The following RABEP1 variants were observed in gnomAD, a reference collection of about 807,000 sequenced individuals.
RABEP1 encodes the protein rab GTPase-binding effector protein 1.
In RABEP1, 51 loss-of-function variants were observed where a neutral mutation model predicts 123.4. The observed-to-expected ratio is 0.41, with a 90% CI of 0.33 to 0.52. The LOEUF is 0.52. Ranked by LOEUF, RABEP1 falls within the 20% of genes least tolerant of loss-of-function variation. The pLI is 0.16. For synonymous variants in RABEP1, 347 were observed against 355.2 expected, an observed-to-expected ratio of 0.98 and a Z score of 0.26; for missense variants, 888 against 996.3, an observed-to-expected ratio of 0.89 and a Z score of 1.46.
chr17:5,297,936 T>G (rs908260077), intron 1 of RABEP1, among the ~76,000 whole-genome samples: 1 of 152,240 alleles, frequency 6.6e-6, no homozygotes, highest in Non-Finnish European at 1.5e-5. Flanking sequence ...AATCAAGAGT[T>G]TCCTCCCAAG....
chr17:5,282,544 G>GCGGCGGGCGCGGCCTGCC (rs1418479614), intron 1 of RABEP1, 24 bp downstream of exon 1: 32 of 1,177,904 alleles, frequency 2.7e-5, no homozygotes, highest in Admixed American at 1.3e-4. Flanking sequence ...CATGGCAGGC[G>GCGGCGGGCGCGGCCTGCC]CGGCGGGCGC....
chr17:5,292,921 A>G (rs529453861), intron 1 of RABEP1, among the ~76,000 whole-genome samples: 12 of 152,260 alleles, frequency 7.9e-5, no homozygotes, highest in Middle Eastern at 3.4e-3. Flanking sequence ...GGCTCAAGCC[A>G]TCTGCCTGCC....
chr17:5,352,183 A>G (rs1039239939), intron 7 of RABEP1, among the ~76,000 whole-genome samples: 3 of 151,374 alleles, frequency 2.0e-5, no homozygotes, highest in South Asian at 4.2e-4. Context: ...CAAAGCCAAC[A>G]TAAGGATTTT....
In RABEP1 at chr17:5,386,233, A is replaced by G. The variant is rs753470004; in HGVS notation, c.*3010A>G. The G allele has an allele frequency of 3.2e-5, 51 of 1,613,274 alleles. 1 individual carries two copies. The South Asian group carries it at 5.3e-4, about 17-fold the overall frequency. ...AGAAGTTTACATGATTGCGGATATC[A>G]TTGATTTGCTTCACCATTTCCCTTA... is the stretch of plus-strand genomic sequence containing the variant. On this transcript the variant is annotated 3_prime_UTR_variant, in exon 18 of 18. Transcript: ENST00000537505.
Position 5,354,419 on chromosome 17 carries a change from G to A in RABEP1, c.1024G>A (p.Glu342Lys). The A allele has an allele frequency of 6.2e-7, 1 of 1,613,072 alleles. No homozygotes were observed. Among genetic ancestry groups the A allele is most frequent in the Non-Finnish European group, 8.5e-7 (1 of 1,179,474 alleles). The change falls in exon 8 of 18, where the codon GAA (glutamate) becomes AAA (lysine). Residue 342 changes from glutamate to lysine, a missense_variant. Transcript: ENST00000537505. ...RKDHKKADVE[E>K]EIKIPVVCAL... ...GGATCACAAAAAAGCAGATGTTGAG[G>A]AAGAAATAAAAATACCAGTAGTGTG...
intron 3 of RABEP1, among the ~76,000 whole-genome samples, chr17:5,333,811 G>A (rs72836387): frequency 0.069 from 10,561 of 152,148 alleles, 511 homozygotes; most frequent in East Asian, 0.17. Context: ...CTTTGCCTCA[G>A]CTGAAAAATA....
At chr17:5,380,553 TG>T in intron 16 of RABEP1, 91 bp downstream of exon 16, 1 of 1,103,842 alleles carries the variant, frequency 9.1e-7, no homozygotes, top group Non-Finnish European at 1.3e-6. Context: ...ATTGGTGCTT[TG>T]AAGTGTCACC....
Position 5,386,146 on chromosome 17 carries a change from C to T in RABEP1, c.*2923C>T, listed in dbSNP as rs1425232510. On this transcript the variant is annotated 3_prime_UTR_variant, in exon 18 of 18. Transcript: ENST00000537505. ...AAATTAGATAATTCTACCTGTTTTA[C>T]AATATGGGTTTAAGCCTTCAATGGT... The T allele has an allele frequency of 7.9e-7, 1 of 1,265,888 alleles. No homozygotes were observed. The highest frequency in any genetic ancestry group is 1.1e-6 in the Non-Finnish European group (1 of 894,738). The allele number at this position is 1,265,888 out of a possible 1,614,324, so 78.4% of individuals were successfully genotyped here.
At chr17:5,287,773 G>T (rs1245361676) in intron 1 of RABEP1, among the ~76,000 whole-genome samples, 1 of 151,958 alleles carries the variant, frequency 6.6e-6, no homozygotes, top group Non-Finnish European at 1.5e-5. Context: ...TTAGCCGGGT[G>T]TGATGGCCTG....
chr17:5,325,757 C>A (rs1230862648), intron 2 of RABEP1, among the ~76,000 whole-genome samples: 2 of 151,418 alleles, frequency 1.3e-5, no homozygotes, highest in Non-Finnish European at 2.9e-5. Flanking sequence ...GTGATAGATA[C>A]CCGAACTACA....
chr17:5,323,141 C>G (rs1905551841), intron 2 of RABEP1, among the ~76,000 whole-genome samples: 1 of 152,132 alleles, frequency 6.6e-6, no homozygotes, highest in African/African-American at 2.4e-5. Flanking sequence ...CACAAGCATT[C>G]AGTAAAATTC....
chr17:5,294,437 A>G (rs1177796370), intron 1 of RABEP1, among the ~76,000 whole-genome samples: 1 of 151,948 alleles, frequency 6.6e-6, no homozygotes, highest in African/African-American at 2.4e-5. Flanking sequence ...CAGTATGACA[A>G]CTATTTACAT....
At chr17:5,373,550 C>T (rs886867746) in intron 13 of RABEP1, 96 bp downstream of exon 13, 22 of 1,320,688 alleles carry the variant, frequency 1.7e-5, no homozygotes, top group Non-Finnish European at 2.1e-5. Context: ...AGATATAATT[C>T]ACGTGCCAAT....
At position 5,350,593 on chromosome 17, in the gene RABEP1, G is replaced by T; in HGVS notation, c.927G>T (p.Gln309His). ...TGGAGATTGTGCTAACTTCAGAACA[G>T]CTCCGACAAGTTGAAGAACTGAAGA... ...QRMEIVLTSE[Q>H]LRQVEELKKK... The change falls in exon 7 of 18, where the codon CAG becomes CAT. Residue 309 changes from glutamine to histidine, a missense_variant. Coordinates refer to ENST00000537505, the MANE Select transcript of RABEP1 (RefSeq NM_004703.6). The T allele has an allele frequency of 6.2e-7, 1 of 1,613,874 alleles. No homozygotes were observed. The highest frequency in any genetic ancestry group is 1.1e-5 in the South Asian group (1 of 90,980).
chr17:5,318,170 G>A (rs1018006613), intron 2 of RABEP1, among the ~76,000 whole-genome samples: 4 of 152,094 alleles, frequency 2.6e-5, no homozygotes, highest in Non-Finnish European at 4.4e-5. Flanking sequence ...ATTTATAGCT[G>A]GTCAGTGAGA....
At chr17:5,306,444 A>G (rs1007193779) in intron 1 of RABEP1, among the ~76,000 whole-genome samples, 2 of 152,212 alleles carry the variant, frequency 1.3e-5, no homozygotes, top group African/African-American at 4.8e-5. Context: ...CCTGGGCAAC[A>G]TGGTGAAACC....
At chr17:5,301,960 C>A (rs1241002612) in intron 1 of RABEP1, among the ~76,000 whole-genome samples, 15 of 152,050 alleles carry the variant, frequency 9.9e-5, no homozygotes, top group Non-Finnish European at 8.8e-5. Context: ...ATTTACCATA[C>A]ATTGTTAAGG....
In RABEP1 at chr17:5,308,732, A is replaced by G. The variant is rs2075205768; in HGVS notation, c.73A>G (p.Asn25Asp). 6.2e-7 allele frequency: 1 copy of G among 1,612,598 alleles called. No individual in the cohort carries two copies. Among genetic ancestry groups the G allele is most frequent in the African/African-American group, 1.3e-5 (1 of 74,886 alleles). Reference protein sequence around the residue: ...QQRVAELEKINAEFLRAQQQL... With the variant: ...QQRVAELEKIDAEFLRAQQQL... ...ACGGGTAGCAGAATTGGAAAAAATT[A>G]ATGCAGAATTTTTACGTGCACAACA... Residue 25 changes from asparagine (N) to aspartate (D), a missense_variant, in exon 2 of 18, where the codon AAT (asparagine) becomes GAT (aspartate). By Grantham distance (23) the Asn-to-Asp change is conservative. Transcript: ENST00000537505.
At chr17:5,344,865 A>T (rs1597373258) in intron 5 of RABEP1, among the ~76,000 whole-genome samples, 1 of 152,008 alleles carries the variant, frequency 6.6e-6, no homozygotes, top group East Asian at 1.9e-4. Flanking sequence ...GCTGAGGCAT[A>T]AGAATTGCTT....
Sources: allele counts gnomAD v4.1 joint callset (sites outside exome capture counted in the v4.1 genomes callset), GRCh38; gene constraint gnomAD v4.1.1; transcripts MANE v1.5; gene names NCBI Gene and HGNC (gene_info 2026-07-23, HGNC 2026-07-21).